The following MACF1 variants were observed in gnomAD, a reference collection of about 807,000 sequenced individuals.
MACF1 encodes microtubule-actin cross-linking factor 1.
MACF1 carries 193 observed loss-of-function variants against 854.8 expected under a neutral mutation model. The observed-to-expected ratio is 0.23, with a 90% CI of 0.20 to 0.25. The LOEUF (loss-of-function observed/expected upper bound fraction) is 0.25. Ranked by LOEUF, MACF1 falls within the 10% of genes least tolerant of loss-of-function variation. MACF1 has a pLI of 1.00. For missense variants in MACF1, 7,722 were observed against 8,929.1 expected, an observed-to-expected ratio of 0.86 and a Z score of 5.45; for synonymous variants, 3,185 against 3,226.7, an observed-to-expected ratio of 0.99 and a Z score of 0.44.
At chr1:39,397,069 G>A (rs1642302553) in intron 58 of MACF1, among the ~76,000 whole-genome samples, 1 of 152,118 alleles carries the variant, frequency 6.6e-6, no homozygotes, top group Non-Finnish European at 1.5e-5. Flanking sequence ...CATGGATGGA[G>A]GTTAAAAGGA....
chr1:39,416,755 TAGCCC>T (rs761189071), intron 58 of MACF1, among the ~76,000 whole-genome samples: 9 of 152,198 alleles, frequency 5.9e-5, no homozygotes, highest in Non-Finnish European at 1.2e-4. Context: ...AAGGAAATGG[TAGCCC>T]AGCTGCAAAG....
At chr1:39,114,927 G>C (rs75068657) in intron 2 of MACF1, among the ~76,000 whole-genome samples, 13 of 152,166 alleles carry the variant, frequency 8.5e-5, no homozygotes, top group Admixed American at 3.3e-4. Context: ...TTTGGGGAAA[G>C]AGCATTCTGG....
chr1:39,207,693 GCAAA>G (rs1284269953), intron 1 of MACF1, among the ~76,000 whole-genome samples: 1 of 152,148 alleles, frequency 6.6e-6, no homozygotes, highest in Non-Finnish European at 1.5e-5. Flanking sequence ...AGATTATTAG[GCAAA>G]CAGTGAAGCT....
chr1:39,218,723 C>A (rs1199054312), intron 1 of MACF1, among the ~76,000 whole-genome samples: 1 of 152,016 alleles, frequency 6.6e-6, no homozygotes, highest in Non-Finnish European at 1.5e-5. Context: ...TCTTAATAGT[C>A]CAAAGAATTA....
intron 43 of MACF1, among the ~76,000 whole-genome samples, chr1:39,351,594 T>C (rs1263971971): frequency 6.8e-6 from 1 of 146,810 alleles, no homozygotes; most frequent in Admixed American, 6.7e-5. Context: ...TTTTTTTTTT[T>C]TTTTTTTTTT....
chr1:39,091,842 A>G (rs1434755796), intron 2 of MACF1, among the ~76,000 whole-genome samples: 5 of 152,074 alleles, frequency 3.3e-5, no homozygotes, highest in Non-Finnish European at 7.4e-5. Context: ...ATTCACTCAT[A>G]CACTTGTTCA....
At chr1:39,430,943 G>T in intron 66 of MACF1, 35 bp downstream of exon 66, 1 of 1,566,706 alleles carries the variant, frequency 6.4e-7, no homozygotes, top group Non-Finnish European at 8.8e-7. Flanking sequence ...TAATATTTTA[G>T]ACAGTATTGA....
chr1:39,463,736 GC>G (rs775752297), intron 94 of MACF1, 50 bp downstream of exon 94: 25 of 1,528,890 alleles, frequency 1.6e-5, no homozygotes, highest in Non-Finnish European at 2.3e-5. Flanking sequence ...CTCATATGTG[GC>G]TGATCCCACC....
intron 58 of MACF1, among the ~76,000 whole-genome samples, chr1:39,391,481 C>T (rs1642035091): frequency 6.6e-6 from 1 of 152,166 alleles, no homozygotes; most frequent in Non-Finnish European, 1.5e-5. Flanking sequence ...GTTATTATTT[C>T]CTACTGCTAT....
chr1:39,381,566 G>T (rs1003246115), intron 55 of MACF1, among the ~76,000 whole-genome samples: 3 of 152,010 alleles, frequency 2.0e-5, no homozygotes, highest in Non-Finnish European at 2.9e-5. Flanking sequence ...ATAGGGTCTT[G>T]CTTTGTTGTC....
At chr1:39,167,887 AG>A (rs56690769) in intron 2 of MACF1, among the ~76,000 whole-genome samples, 106,411 of 139,718 alleles carry the variant, frequency 0.76, 40,262 homozygotes, top group African/African-American at 0.84. Context: ...AAAAAAAAAA[AG>A]AGAGAGAGAG....
chr1:39,211,112 G>A (rs1335423682), intron 1 of MACF1, among the ~76,000 whole-genome samples: 7 of 151,954 alleles, frequency 4.6e-5, no homozygotes, highest in Non-Finnish European at 1.0e-4. Context: ...GATTACAGGT[G>A]TCTGCCACCA....
At position 39,285,041 on chromosome 1, in the gene MACF1, G is replaced by C. The variant is rs748524983; in HGVS notation, c.1132-42G>C. 5 of 1,610,024 alleles carry C rather than the reference G, an allele frequency of 3.1e-6. No homozygotes were observed. The Admixed American group carries it at 8.4e-5, about 27-fold the overall frequency. On this transcript the variant is annotated intron_variant, in intron 11 of 100. Coordinates refer to ENST00000564288, the MANE Select transcript of MACF1 (RefSeq NM_001394062.1). ...ATAATAAATCAAAACTGGGACAAGA[G>C]GGCATGGCTGTGTTTTTGGACTGAA... is the stretch of plus-strand genomic sequence containing the variant.
At chr1:39,118,529 G>T (rs1642603258) in intron 2 of MACF1, among the ~76,000 whole-genome samples, 1 of 152,190 alleles carries the variant, frequency 6.6e-6, no homozygotes, top group African/African-American at 2.4e-5. Context: ...CAAAGGGCTG[G>T]AAATTTTCTT....
intron 2 of MACF1, among the ~76,000 whole-genome samples, chr1:39,149,061 G>A (rs1308397939): frequency 6.6e-6 from 1 of 152,200 alleles, no homozygotes; most frequent in Non-Finnish European, 1.5e-5. Context: ...TTTTGAGGCT[G>A]TTCTAACAAT....
chr1:39,121,114 G>A (rs1230639492), intron 2 of MACF1: 2 of 152,136 alleles, frequency 1.3e-5, no homozygotes, highest in Admixed American at 1.3e-4. Context: ...ACCTAGAAGA[G>A]TTTCTGGTAT....
At position 39,357,506 on chromosome 1, in the gene MACF1, A is replaced by C. The variant is rs145299069; in HGVS notation, c.11556A>C (p.Gly3852=). The change falls in exon 45 of 101, where the codon GGA becomes GGC. Residue 3852 remains glycine, a synonymous_variant. Coordinates refer to ENST00000564288, the MANE Select transcript of MACF1 (RefSeq NM_001394062.1). ...EEQQMLQQKL[G]ELKEQYSTSL... ...AACAGATGCTGCAACAGAAGCTGGG[A>C]GAGCTAAAGGAACAATACTCTACTT... 1.2e-6 allele frequency: 2 copies of C among 1,614,194 alleles called. No homozygotes were observed. The highest frequency in any genetic ancestry group is 2.7e-5 in the African/African-American group (2 of 75,044).
intron 23 of MACF1, among the ~76,000 whole-genome samples, chr1:39,308,050 A>G (rs1409521722): frequency 2.0e-5 from 3 of 151,188 alleles, no homozygotes; most frequent in African/African-American, 7.3e-5. Context: ...GACTACAGGC[A>G]TCTGCCACCA....
intron 65 of MACF1, among the ~76,000 whole-genome samples, chr1:39,430,425 A>G (rs1041743165): frequency 5.3e-5 from 8 of 152,072 alleles, no homozygotes; most frequent in African/African-American, 1.9e-4. Flanking sequence ...ATTATTTATC[A>G]TTTCTGTTGA....
Sources: allele counts gnomAD v4.1 joint callset (sites outside exome capture counted in the v4.1 genomes callset), GRCh38; gene constraint gnomAD v4.1.1; transcripts MANE v1.5; gene names NCBI Gene and HGNC (gene_info 2026-07-23, HGNC 2026-07-21).